Variants in KLHDC4 observed in about 807,000 individuals in gnomAD.
The protein encoded by KLHDC4 is kelch domain-containing protein 4.
In KLHDC4, 90 loss-of-function variants were observed where a neutral mutation model predicts 62.4. That is an observed-to-expected ratio of 1.44 (90% CI 1.22 to 1.72). The LOEUF (loss-of-function observed/expected upper bound fraction) is 1.72, where lower values mean the gene tolerates loss of function less well. Ranked by LOEUF, KLHDC4 falls within the 40% of genes most tolerant of loss-of-function variation. The pLI, the probability that KLHDC4 is intolerant of heterozygous loss-of-function variation, is 0.00. For synonymous variants in KLHDC4, 386 were observed against 284.4 expected, an observed-to-expected ratio of 1.36 and a Z score of -3.59; for missense variants, 1,025 against 699.7, an observed-to-expected ratio of 1.47 and a Z score of -5.25.
At chr16:87,754,224 TAA>T (rs780189362) in intron 4 of KLHDC4, among the ~76,000 whole-genome samples, 1 of 152,118 alleles carries the variant, frequency 6.6e-6, no homozygotes, top group Non-Finnish European at 1.5e-5. Flanking sequence ...GGGGTGCCTG[TAA>T]TCCCAGTTAC....
intron 4 of KLHDC4, among the ~76,000 whole-genome samples, chr16:87,753,912 G>GCAA (rs1212880977): frequency 1.3e-5 from 2 of 149,280 alleles, no homozygotes; most frequent in Non-Finnish European, 3.0e-5. Flanking sequence ...GGCGGAGGTT[G>GCAA]TAGTGAGATG....
intron 7 of KLHDC4, among the ~76,000 whole-genome samples, chr16:87,718,597 T>C (rs2037556121): frequency 1.3e-5 from 2 of 151,878 alleles, no homozygotes; most frequent in Admixed American, 6.6e-5. Context: ...CCCAGCCACC[T>C]GCCTTGGCCT....
chr16:87,756,069 T>C, intron 3 of KLHDC4: 1 of 208,296 alleles, frequency 4.8e-6, no homozygotes. Context: ...TAAGACAACC[T>C]GAAAGCTGAG....
chr16:87,737,547 C>T (rs1352331549), intron 5 of KLHDC4, among the ~76,000 whole-genome samples: 2 of 152,010 alleles, frequency 1.3e-5, no homozygotes, highest in Non-Finnish European at 2.9e-5. Flanking sequence ...GAGATCACAC[C>T]ACCGCACTCC....
Position 87,708,364 on chromosome 16 carries a change from C to A in KLHDC4, c.1550G>T (p.Gly517Val), listed in dbSNP as rs760200797. The change falls in exon 11 of 12, where the codon GGT (glycine) becomes GTT (valine). Residue 517 changes from glycine (G) to valine (V), a missense_variant. By Grantham distance (109) the Gly-to-Val change is moderately radical (BLOSUM62 -3). Transcript: ENST00000270583. Reference sequence around the variant, plus strand: ...AGCCCGCTCACCTCAGTCCTCCGCACCGCTCTCCTCTCCGCTGTCTTCGTC... The same window carrying A: ...AGCCCGCTCACCTCAGTCCTCCGCAACGCTCTCCTCTCCGCTGTCTTCGTC... ...VDDEDSGEES[G>V]AED is the part of the protein sequence containing the mutation. 1.5e-5 allele frequency: 24 copies of A among 1,606,974 alleles called. No individual in the cohort carries two copies. Among genetic ancestry groups the A allele is most frequent in the African/African-American group, 2.7e-5 (2 of 74,832 alleles).
At chr16:87,756,176 G>C (rs2044856781) in intron 3 of KLHDC4, 3 of 419,032 alleles carry the variant, frequency 7.2e-6, no homozygotes, top group Non-Finnish European at 8.9e-6. Context: ...CTGGGCCTCA[G>C]CCTAAGTCCC....
intron 6 of KLHDC4, among the ~76,000 whole-genome samples, chr16:87,729,775 C>A (rs368048767): frequency 6.6e-6 from 1 of 152,102 alleles, no homozygotes; most frequent in Non-Finnish European, 1.5e-5. Context: ...TGATTACAGA[C>A]CCGTGGCTCT....
At chr16:87,721,257 A>G (rs1389294754) in intron 7 of KLHDC4, among the ~76,000 whole-genome samples, 6 of 152,014 alleles carry the variant, frequency 3.9e-5, no homozygotes, top group African/African-American at 1.4e-4. Context: ...CGTCTCTACT[A>G]AAAATATAAA....
At chr16:87,706,062 G>A (rs1182497953), downstream of KLHDC4, among the ~76,000 whole-genome samples, 3 of 151,380 alleles carry the variant, frequency 2.0e-5, no homozygotes, top group Non-Finnish European at 4.4e-5. Flanking sequence ...AGGGGTCGGC[G>A]GAACGCAAAC....
Position 87,711,401 on chromosome 16 carries a change from G to T in KLHDC4, c.878C>A (p.Pro293His). The T allele has an allele frequency of 6.2e-7, 1 of 1,613,342 alleles. No homozygotes were observed. The highest frequency in any genetic ancestry group is 8.5e-7 in the Non-Finnish European group (1 of 1,179,982). Residue 293 changes from proline (P) to histidine (H), a missense_variant, in exon 9 of 12, where the codon CCC becomes CAC. By Grantham distance (77) the Pro-to-His change is moderately conservative. Coordinates refer to ENST00000270583, the MANE Select transcript of KLHDC4 (RefSeq NM_017566.4). The stretch of plus-strand genomic sequence containing the variant: ...CACGGAAAAGCCAGACCGTGGGGTG[G>T]GCTTGACCCCCGAAGGGTTCATCCG... ...WTRMNPSGVK[P>H]TPRSGFSVAM...
At chr16:87,740,631 T>C (rs935545989) in intron 5 of KLHDC4, 1 of 152,176 alleles carries the variant, frequency 6.6e-6, no homozygotes, top group African/African-American at 2.4e-5. Context: ...GTGTTTTTAG[T>C]GTTTCACAGT....
chr16:87,701,963 C>T, exon 1 of KLHDC4: 1 of 456,322 alleles, frequency 2.2e-6, no homozygotes. Context: ...CTCTGTCCTT[C>T]TTGGTCATCT....
chr16:87,751,943 C>G (rs573082302), intron 4 of KLHDC4, among the ~76,000 whole-genome samples: 70 of 151,602 alleles, frequency 4.6e-4, no homozygotes, highest in African/African-American at 1.6e-3. Flanking sequence ...GGCACGGTGG[C>G]AGGTGCCTGT....
At chr16:87,734,257 T>G (rs529428680) in intron 5 of KLHDC4, among the ~76,000 whole-genome samples, 2 of 151,488 alleles carry the variant, frequency 1.3e-5, no homozygotes, top group African/African-American at 4.9e-5. Flanking sequence ...GGCAGGAGAA[T>G]TGCTTGAACC....
chr16:87,700,185 CT>C (rs2034070416), exon 1 of KLHDC4: 2 of 153,258 alleles, frequency 1.3e-5, no homozygotes, highest in African/African-American at 4.8e-5. Context: ...TCTCCCTCCT[CT>C]AGGTCATGCT....
chr16:87,734,474 C>T (rs554804813), intron 5 of KLHDC4, among the ~76,000 whole-genome samples: 4 of 152,308 alleles, frequency 2.6e-5, no homozygotes, highest in African/African-American at 4.8e-5. Flanking sequence ...CAGGAGTCTT[C>T]GCTTGCTCCA....
chr16:87,709,188 G>A, intron 10 of KLHDC4, 77 bp downstream of exon 10: 1 of 1,525,746 alleles, frequency 6.6e-7, no homozygotes. Flanking sequence ...AGCTTGCAGG[G>A]CTTGCTTTCG....
At chr16:87,742,539 T>C (rs2042385193) in intron 5 of KLHDC4, among the ~76,000 whole-genome samples, 2 of 152,294 alleles carry the variant, frequency 1.3e-5, no homozygotes, top group Non-Finnish European at 2.9e-5. Context: ...ATGGATCAGA[T>C]CACAACTGGA....
intron 1 of KLHDC4, chr16:87,765,386 C>T (rs1285892970): frequency 2.1e-6 from 1 of 471,906 alleles, no homozygotes; most frequent in Admixed American, 2.3e-5. Context: ...AGTCTTACTC[C>T]CAGACCACAC....
Sources: gnomAD v4.1 joint callset for allele counts (sites outside exome capture counted in the v4.1 genomes callset) on GRCh38, gnomAD v4.1.1 for gene constraint, MANE v1.5 for transcripts, NCBI Gene and HGNC (gene_info 2026-07-23, HGNC 2026-07-21) for gene names.